TBC1D17: variants seen among roughly 807,000 people sequenced by gnomAD.
TBC1D17 encodes the protein TBC1 domain family, member 17.
A neutral mutation model predicts 78.8 loss-of-function variants in TBC1D17; 69 were observed. That is an observed-to-expected ratio of 0.88 (90% CI 0.72 to 1.07). TBC1D17 has a LOEUF of 1.07. Among genes scored for constraint, TBC1D17 ranks in the 50% least tolerant of loss-of-function variants. TBC1D17 has a pLI of 0.00. For missense variants in TBC1D17, 957 were observed against 861.0 expected (o/e 1.11, Z -1.39); for synonymous variants, 456 against 358.3 (o/e 1.27, Z -3.08).
rs1367327760 is a variant in TBC1D17 at position 49,888,269 on chromosome 19, C to A, written c.1698C>A (p.Asp566Glu). Residue 566 changes from aspartate (D) to glutamate (E), a missense_variant, in exon 16 of 17, where the codon GAC becomes GAA. Physicochemically the swap from Asp to Glu is conservative, Grantham distance 45. Transcript: ENST00000221543. Reference protein sequence around the residue: ...NELTMKLSVEDVLTRAEALHR... With the variant: ...NELTMKLSVEEVLTRAEALHR... ...TGACTATGAAGCTGAGCGTGGAGGA[C>A]GTGCTGACCCGCGCCGAGGCCCTGC... 1.9e-6 allele frequency: 3 copies of A among 1,593,818 alleles called. No individual in the cohort carries two copies. Among genetic ancestry groups the A allele is most frequent in the East Asian group, 2.3e-5 (1 of 44,062 alleles).
chr19:49,883,155 C>T (rs368375414), intron 9 of TBC1D17, 79 bp downstream of exon 9: 111 of 1,345,026 alleles, frequency 8.3e-5, no homozygotes, highest in East Asian at 4.5e-4. Context: ...GTTCTGTGGA[C>T]GCTGGTTGTG....
intron 9 of TBC1D17, 96 bp from the exon 10 acceptor site, chr19:49,883,555 T>G: frequency 9.8e-7 from 1 of 1,017,424 alleles, no homozygotes; most frequent in Non-Finnish European, 1.5e-6. Flanking sequence ...AGGGAGGGGC[T>G]CTGCAGGGCT....
chr19:49,887,643 G>C, intron 14 of TBC1D17, 70 bp downstream of exon 14: 1 of 1,610,452 alleles, frequency 6.2e-7, no homozygotes, highest in Non-Finnish European at 8.5e-7. Context: ...TGGGCGGAGA[G>C]GGACAGACCC....
rs372775742 is a variant in TBC1D17, at chr19:49,882,475, T to A, written c.798+75T>A. The A allele has an allele frequency of 2.6e-6, 4 of 1,544,296 alleles. No homozygotes were observed. In the African/African-American group the frequency reaches 5.5e-5, roughly 21 times the overall value. The stretch of plus-strand genomic sequence containing the variant: ...GCGCATGATTTCATTTCCCTGGGCC[T>A]CAGTTTCCTCTTTGGTAAAACGGGG... On this transcript the variant is annotated intron_variant, in intron 7 of 16. Coordinates refer to ENST00000221543, the MANE Select transcript of TBC1D17 (RefSeq NM_024682.3).
chr19:49,877,873 C>T (rs571555839), intron 1 of TBC1D17, 129 bp downstream of exon 1: 1 of 1,173,448 alleles, frequency 8.5e-7, no homozygotes, highest in Non-Finnish European at 1.2e-6. Flanking sequence ...CTCTTATAAA[C>T]GCGCCGTCAC....
At position 49,882,341 on chromosome 19, in the gene TBC1D17, T is replaced by A. The variant is rs755635895; in HGVS notation, c.739T>A (p.Ser247Thr). 6.2e-7 allele frequency: 1 copy of A among 1,610,548 alleles called. No individual in the cohort carries two copies. The highest frequency in any genetic ancestry group is 8.5e-7 in the Non-Finnish European group (1 of 1,179,970). Reference protein sequence around the residue: ...ALQPQPEGAASDLPPPPDDEP... With the variant: ...ALQPQPEGAATDLPPPPDDEP... ...GCAGCCACAGCCTGAGGGAGCCGCCTCCGACCTTCCCCCGCCACCCGACGA... is the reference window on the plus strand; with the variant it reads ...GCAGCCACAGCCTGAGGGAGCCGCCACCGACCTTCCCCCGCCACCCGACGA... The change falls in exon 7 of 17, where the codon TCC (serine) becomes ACC (threonine). Residue 247 changes from serine to threonine, a missense_variant. Coordinates refer to ENST00000221543, the MANE Select transcript of TBC1D17 (RefSeq NM_024682.3).
intron 9 of TBC1D17, among the ~76,000 whole-genome samples, 171 bp downstream of exon 9, chr19:49,883,247 C>G (rs568127898): frequency 6.6e-6 from 1 of 152,344 alleles, no homozygotes; most frequent in Admixed American, 6.5e-5. Context: ...CCTGTATGGT[C>G]TGTCTCCATT....
rs1372477243 is a variant in TBC1D17, at chr19:49,884,454, C to G, written c.1244-5C>G. On this transcript the variant is annotated splice_polypyrimidine_tract_variant and splice_region_variant and intron_variant, in intron 11 of 16. Transcript: ENST00000221543. ...TGGCTGCAGCCTGACCCCATGTCCCCCCAGGCTACGTCCAGGGCATGAGTG... is the reference window on the plus strand; with the variant it reads ...TGGCTGCAGCCTGACCCCATGTCCCGCCAGGCTACGTCCAGGGCATGAGTG... The G allele has an allele frequency of 6.2e-6, 10 of 1,614,090 alleles. No homozygotes were observed. The highest frequency in any genetic ancestry group is 8.5e-6 in the Non-Finnish European group (10 of 1,179,984).
intron 11 of TBC1D17, 27 bp downstream of exon 11, chr19:49,884,396 T>A: frequency 6.2e-7 from 1 of 1,613,604 alleles, no homozygotes; most frequent in Non-Finnish European, 8.5e-7. Context: ...GGGACGGGCG[T>A]GGCCGGGGCT....
Position 49,881,442 on chromosome 19 carries a change from T to A in TBC1D17, c.494T>A (p.Leu165His). Residue 165 changes from leucine to histidine, a missense_variant, in exon 5 of 17, where the codon CTC (leucine) becomes CAC (histidine). Leu to His is a moderately conservative substitution (Grantham distance 99, BLOSUM62 -3). Transcript: ENST00000221543. ...HFHRGGTRAL[L>H]RVLSRYLLLA... is the part of the protein sequence containing the mutation. Reference sequence around the variant, plus strand: ...CACCGCGGGGGCACCCGCGCCCTGCTCCGCGTCCTCAGCCGCTACCTGCTG... The same window carrying A: ...CACCGCGGGGGCACCCGCGCCCTGCACCGCGTCCTCAGCCGCTACCTGCTG... 6.2e-7 allele frequency: 1 copy of A among 1,611,180 alleles called. No homozygotes were observed. Among genetic ancestry groups the A allele is most frequent in the Non-Finnish European group, 8.5e-7 (1 of 1,179,860 alleles).
At chr19:49,883,349 G>A (rs2122451578) in intron 9 of TBC1D17, among the ~76,000 whole-genome samples, 1 of 152,288 alleles carries the variant, frequency 6.6e-6, no homozygotes, top group South Asian at 2.1e-4. Context: ...CTCATTCCTG[G>A]TGTAGGTTAT....
At chr19:49,882,949 C>G (rs541262445) in intron 8 of TBC1D17, 24 bp from the exon 9 acceptor site, 5 of 1,599,374 alleles carry the variant, frequency 3.1e-6, no homozygotes, top group African/African-American at 2.7e-5. Context: ...CCCCACTGAG[C>G]TGCCTGCCCT....
Position 49,884,348 on chromosome 19 carries a change from T to A in TBC1D17, c.1222T>A (p.Cys408Ser). The part of the protein sequence containing the change: ...GLLNDILLTY[C>S]MYHFDLGYVQ... ...GCTGAACGATATCCTCCTCACCTAC[T>A]GCATGTATCACTTCGACCTCGGTGG... The change falls in exon 11 of 17, where the codon TGC becomes AGC. Residue 408 changes from cysteine (C) to serine (S), a missense_variant. Coordinates refer to ENST00000221543, the MANE Select transcript of TBC1D17 (RefSeq NM_024682.3). 1.9e-6 allele frequency: 3 copies of A among 1,614,040 alleles called. No individual in the cohort carries two copies. Among genetic ancestry groups the A allele is most frequent in the Non-Finnish European group, 2.5e-6 (3 of 1,180,000 alleles).
intron 10 of TBC1D17, 86 bp downstream of exon 10, chr19:49,883,831 G>C: frequency 1.7e-6 from 2 of 1,181,402 alleles, no homozygotes; most frequent in Non-Finnish European, 2.5e-6. Flanking sequence ...GGAGATAGAG[G>C]GAGCCCCCTG....
Position 49,882,772 on chromosome 19 carries a change from G to T in TBC1D17, c.807G>T (p.Leu269=). 1 of 1,573,208 alleles carries T rather than the reference G, an allele frequency of 6.4e-7. No homozygotes were observed. Among genetic ancestry groups the T allele is most frequent in the South Asian group, 1.1e-5 (1 of 86,992 alleles). ...PGFEVISCVE[L]GPRPTVERGP... ...TTGCTCTTTGCCTGCAGGTGGAGCT[G>T]GGGCCTCGGCCAACCGTGGAGCGGG... The change falls in exon 8 of 17, where the codon CTG becomes CTT. Residue 269 remains leucine (L), a synonymous_variant. Transcript: ENST00000221543.
chr19:49,886,233 C>T (rs527583784), intron 13 of TBC1D17, among the ~76,000 whole-genome samples: 4 of 151,830 alleles, frequency 2.6e-5, no homozygotes, highest in East Asian at 3.9e-4. Context: ...CCAGCCTGGG[C>T]GACAGAGCGA....
At chr19:49,882,488 T>C in intron 7 of TBC1D17, 88 bp downstream of exon 7, 1 of 1,532,990 alleles carries the variant, frequency 6.5e-7, no homozygotes. Context: ...GTTTCCTCTT[T>C]GGTAAAACGG....
intron 3 of TBC1D17, among the ~76,000 whole-genome samples, chr19:49,879,716 T>C (rs1016481482): frequency 3.3e-5 from 5 of 151,354 alleles, no homozygotes; most frequent in African/African-American, 1.2e-4. Flanking sequence ...CATTGAGCAC[T>C]CCGCAGCCTG....
intron 3 of TBC1D17, 104 bp downstream of exon 3, chr19:49,878,676 G>A: frequency 9.0e-7 from 1 of 1,116,586 alleles, no homozygotes; most frequent in Non-Finnish European, 1.3e-6. Flanking sequence ...CTACTCGTGG[G>A]GCATGTGTGA....
Sources: gnomAD v4.1 joint callset for allele counts (sites outside exome capture counted in the v4.1 genomes callset) on GRCh38, gnomAD v4.1.1 for gene constraint, MANE v1.5 for transcripts, NCBI Gene and HGNC (gene_info 2026-07-23, HGNC 2026-07-21) for gene names.